The following NAF1 variants were observed in gnomAD, a reference collection of about 807,000 sequenced individuals.
NAF1 encodes H/ACA ribonucleoprotein complex non-core subunit NAF1.
NAF1 carries 11 observed loss-of-function variants against 40.6 expected under a neutral mutation model. That is an observed-to-expected ratio of 0.27 (90% CI 0.17 to 0.45). The LOEUF (loss-of-function observed/expected upper bound fraction) is 0.45. NAF1 is among the 20% of genes least tolerant of loss of function. NAF1 has a pLI of 1.00. For synonymous variants in NAF1, 260 were observed against 228.5 expected, an observed-to-expected ratio of 1.14 and a Z score of -1.24; for missense variants, 607 against 611.1, an observed-to-expected ratio of 0.99 and a Z score of 0.07.
At chr4:163,149,742 G>A (rs1227329398) in intron 2 of NAF1, among the ~76,000 whole-genome samples, 1 of 152,176 alleles carries the variant, frequency 6.6e-6, no homozygotes, top group Non-Finnish European at 1.5e-5. Context: ...AATGGTTCAT[G>A]TGTGTATCAG....
rs768482124 is a variant in NAF1, at chr4:163,115,665, GT to G, written c.115-5376del. 1.3e-5 allele frequency among the ~76,000 whole-genome samples: 2 copies of G among 152,156 alleles called. 1 individual carries two copies. Among genetic ancestry groups the G allele is most frequent in the South Asian group, 4.1e-4 (2 of 4,822 alleles). On this transcript the variant is annotated intron_variant, in intron 2 of 2. Transcript: ENST00000509434. ...GTATTTTTGCAAATTTTTATTGGTAGTTTTTTTGTGACTGGGCTGACACATC... is the reference window on the plus strand; with the variant it reads ...GTATTTTTGCAAATTTTTATTGGTAGTTTTTTGTGACTGGGCTGACACATC...
At position 163,160,382 on chromosome 4, in the gene NAF1, G is replaced by A. The variant is rs72697010; in HGVS notation, c.540+3835C>T. Among the ~76,000 whole-genome samples the A allele has an allele frequency of 4.1e-5, 6 of 147,068 alleles. No individual in the cohort carries two copies. In the South Asian group the frequency reaches 8.6e-4, roughly 21 times the overall value. On this transcript the variant is annotated intron_variant, in intron 2 of 7. Coordinates refer to ENST00000274054, the MANE Select transcript of NAF1 (RefSeq NM_138386.3). ...AACAAAAACAAAAACAAAAAACTGG[G>A]TTATAACCACATCTTGGGATGGCAA...
chr4:163,120,340 G>A (rs963483566), intron 2 of NAF1, among the ~76,000 whole-genome samples: 12 of 152,142 alleles, frequency 7.9e-5, no homozygotes, highest in African/African-American at 2.4e-4. Flanking sequence ...TATCTATTAC[G>A]TTTTAATAGG....
intron 2 of NAF1, among the ~76,000 whole-genome samples, chr4:163,152,646 C>A (rs371950546): frequency 3.9e-5 from 6 of 152,238 alleles, no homozygotes; most frequent in African/African-American, 1.4e-4. Context: ...ATTTCCAATA[C>A]CAGTTCAGTG....
intron 2 of NAF1, among the ~76,000 whole-genome samples, chr4:163,154,890 CA>C (rs5863601): frequency 2.3e-4 from 32 of 141,550 alleles, no homozygotes; most frequent in African/African-American, 4.7e-4. Flanking sequence ...AAAACAAAAA[CA>C]AAAAAAAAAA....
chr4:163,125,007 CTCAA>C (rs975653365), downstream of NAF1, among the ~76,000 whole-genome samples: 2 of 152,182 alleles, frequency 1.3e-5, no homozygotes, highest in Admixed American at 1.3e-4. Flanking sequence ...TTATAGCGAT[CTCAA>C]TCAGTGATCT....
chr4:163,161,666 T>C (rs1181905029), intron 2 of NAF1, among the ~76,000 whole-genome samples: 1 of 152,170 alleles, frequency 6.6e-6, no homozygotes, highest in African/African-American at 2.4e-5. Context: ...TGAGGTAATA[T>C]GAGTCTCTGC....
At chr4:163,160,657 T>C (rs572910237) in intron 2 of NAF1, among the ~76,000 whole-genome samples, 6 of 152,284 alleles carry the variant, frequency 3.9e-5, no homozygotes, top group African/African-American at 9.6e-5. Context: ...AGGAAACTGC[T>C]AGAAAACTCT....
At chr4:163,129,577 T>C (rs1191307630) in intron 7 of NAF1, among the ~76,000 whole-genome samples, 2 of 152,138 alleles carry the variant, frequency 1.3e-5, no homozygotes, top group Non-Finnish European at 2.9e-5. Context: ...CATTCTACTC[T>C]AGCCAAACAC....
exon 3 of NAF1, chr4:163,110,253 A>G: frequency 1.4e-6 from 1 of 701,246 alleles, no homozygotes; most frequent in South Asian, 1.5e-5. Flanking sequence ...CTGTGCTGTC[A>G]CTTTTCGTGG....
intron 2 of NAF1, chr4:163,157,164 TC>T (rs1454700833): frequency 6.6e-6 from 1 of 152,068 alleles, no homozygotes; most frequent in African/African-American, 2.4e-5. Context: ...ACTACACAGT[TC>T]CAAGTCAAAA....
At chr4:163,118,740 G>C (rs1169690403) in intron 2 of NAF1, among the ~76,000 whole-genome samples, 2 of 151,912 alleles carry the variant, frequency 1.3e-5, no homozygotes, top group Non-Finnish European at 2.9e-5. Context: ...GCGACAGAGA[G>C]AGACGCTGTC....
chr4:163,152,428 A>G (rs1396520104), intron 2 of NAF1, among the ~76,000 whole-genome samples: 2 of 152,180 alleles, frequency 1.3e-5, no homozygotes, highest in Non-Finnish European at 2.9e-5. Context: ...ATAAAGCCAG[A>G]TTATTTGTAG....
chr4:163,137,274 C>A, intron 5 of NAF1, 24 bp from the exon 6 acceptor site: 1 of 1,587,346 alleles, frequency 6.3e-7, no homozygotes, highest in South Asian at 1.2e-5. Flanking sequence ...GGATGGGAGT[C>A]AAAAAAGTAT....
chr4:163,144,102 TA>T (rs1314942337), intron 4 of NAF1: 4 of 824,868 alleles, frequency 4.8e-6, no homozygotes, highest in Admixed American at 6.2e-5. Context: ...AAGGAATCAG[TA>T]AAAATTTCCT....
At chr4:163,105,428 G>T (rs2110776951), downstream of NAF1, among the ~76,000 whole-genome samples, 1 of 152,318 alleles carries the variant, frequency 6.6e-6, no homozygotes, top group South Asian at 2.1e-4. Flanking sequence ...GTAAAAACTG[G>T]AGGCAAATAG....
intron 2 of NAF1, among the ~76,000 whole-genome samples, chr4:163,152,603 G>C (rs1003378212): frequency 1.3e-5 from 2 of 152,252 alleles, no homozygotes; most frequent in Admixed American, 1.3e-4. Context: ...GGGGAAAACA[G>C]ACATAGACAC....
chr4:163,116,299 CCTT>C (rs1730336182), intron 2 of NAF1, among the ~76,000 whole-genome samples: 1 of 152,044 alleles, frequency 6.6e-6, no homozygotes, highest in Admixed American at 6.6e-5. Flanking sequence ...CCACAAGTGT[CCTT>C]ATTATGGAAT....
intron 2 of NAF1, among the ~76,000 whole-genome samples, chr4:163,112,488 T>G (rs2110799742): frequency 6.6e-6 from 1 of 152,262 alleles, no homozygotes; most frequent in South Asian, 2.1e-4. Flanking sequence ...CAAACTGCAG[T>G]ACATGCTTGG....
Sources: gnomAD v4.1 joint callset for allele counts (sites outside exome capture counted in the v4.1 genomes callset) on GRCh38, gnomAD v4.1.1 for gene constraint, MANE v1.5 for transcripts, NCBI Gene and HGNC (gene_info 2026-07-23, HGNC 2026-07-21) for gene names.